The following SPAG16 variants were observed in gnomAD, a reference collection of about 807,000 sequenced individuals.
SPAG16 encodes sperm-associated antigen 16 protein.
SPAG16 carries 86 observed loss-of-function variants against 80.4 expected under a neutral mutation model. The observed-to-expected ratio is 1.07, with a 90% CI of 0.90 to 1.28. SPAG16 has a LOEUF of 1.28. SPAG16 is among the 50% of genes most tolerant of loss of function. The pLI is 0.00. For missense variants in SPAG16, 870 were observed against 765.3 expected (o/e 1.14, Z -1.61); for synonymous variants, 294 against 265.9 (o/e 1.11, Z -1.03).
intron 15 of SPAG16, among the ~76,000 whole-genome samples, chr2:214,270,667 A>T (rs1691921977): frequency 6.6e-6 from 1 of 152,058 alleles, no homozygotes; most frequent in Non-Finnish European, 1.5e-5. Flanking sequence ...AGGAGTTTTC[A>T]CTTGCTTTCC....
intron 12 of SPAG16, among the ~76,000 whole-genome samples, chr2:213,985,243 A>C (rs1487494416): frequency 1.3e-5 from 2 of 152,064 alleles, no homozygotes; most frequent in African/African-American, 2.4e-5. Flanking sequence ...CATTTTGTTT[A>C]ACACAATTGA....
intron 10 of SPAG16, among the ~76,000 whole-genome samples, chr2:213,562,930 A>G (rs1376379924): frequency 6.6e-6 from 1 of 152,202 alleles, no homozygotes; most frequent in Non-Finnish European, 1.5e-5. Flanking sequence ...ACCATTCATG[A>G]GGGCTCTGCC....
chr2:213,527,431 G>T (rs947546080), intron 10 of SPAG16, among the ~76,000 whole-genome samples: 1 of 152,020 alleles, frequency 6.6e-6, no homozygotes, highest in Non-Finnish European at 1.5e-5. Flanking sequence ...TGGGATTTTT[G>T]TTTATTCCTT....
At chr2:213,402,498 C>A (rs1422340401) in intron 9 of SPAG16, among the ~76,000 whole-genome samples, 1 of 151,860 alleles carries the variant, frequency 6.6e-6, no homozygotes, top group African/African-American at 2.4e-5. Context: ...CATATGTATA[C>A]ATGTGCCATG....
At chr2:214,066,878 A>T (rs920290392) in intron 13 of SPAG16, among the ~76,000 whole-genome samples, 1 of 152,202 alleles carries the variant, frequency 6.6e-6, no homozygotes, top group African/African-American at 2.4e-5. Context: ...TCAACTTTCC[A>T]AGGAAAAATT....
intron 13 of SPAG16, among the ~76,000 whole-genome samples, chr2:214,072,064 A>G (rs1354534995): frequency 6.6e-6 from 1 of 152,094 alleles, no homozygotes; most frequent in Non-Finnish European, 1.5e-5. Flanking sequence ...TAAAAGCATT[A>G]TTTACAGGAA....
At chr2:214,226,977 T>C (rs1452609084) in intron 15 of SPAG16, among the ~76,000 whole-genome samples, 1 of 152,044 alleles carries the variant, frequency 6.6e-6, no homozygotes, top group African/African-American at 2.4e-5. Context: ...AATTCAAAGA[T>C]GATTAAAATA....
At chr2:213,374,944 T>C in intron 8 of SPAG16, 66 bp from the exon 9 acceptor site, 1 of 1,175,862 alleles carries the variant, frequency 8.5e-7, no homozygotes, top group Non-Finnish European at 1.2e-6. Flanking sequence ...TTTCATATTT[T>C]TGGTTGCAAT....
At chr2:213,665,777 C>T (rs2063578616) in intron 10 of SPAG16, among the ~76,000 whole-genome samples, 1 of 152,094 alleles carries the variant, frequency 6.6e-6, no homozygotes, top group African/African-American at 2.4e-5. Flanking sequence ...TGAATGAAGC[C>T]TATCTAACAA....
intron 15 of SPAG16, among the ~76,000 whole-genome samples, chr2:214,209,200 T>C (rs1161430093): frequency 1.3e-5 from 2 of 152,104 alleles, no homozygotes; most frequent in South Asian, 2.1e-4. Context: ...TCACCCACTA[T>C]GGTAGTGTAG....
chr2:213,470,186 G>A (rs576973377), intron 9 of SPAG16, among the ~76,000 whole-genome samples: 1 of 152,258 alleles, frequency 6.6e-6, no homozygotes, highest in South Asian at 2.1e-4. Context: ...CACCTAGTTG[G>A]CATTGTAATT....
intron 15 of SPAG16, among the ~76,000 whole-genome samples, chr2:214,396,978 G>T (rs1701427637): frequency 6.6e-6 from 1 of 151,520 alleles, no homozygotes; most frequent in Non-Finnish European, 1.5e-5. Context: ...TATACTGTAT[G>T]TTTCTAATTT....
At chr2:213,860,020 A>ATGATGATGATGATGATGG (rs60024655) in intron 10 of SPAG16, among the ~76,000 whole-genome samples, 9 of 152,114 alleles carry the variant, frequency 5.9e-5, no homozygotes, top group Admixed American at 3.9e-4. Context: ...GATGATGATG[A>ATGATGATGATGATGATGG]CAGTTATGTC....
chr2:213,520,758 G>T (rs1193295648), intron 10 of SPAG16, among the ~76,000 whole-genome samples: 1 of 152,112 alleles, frequency 6.6e-6, no homozygotes, highest in East Asian at 1.9e-4. Context: ...TGCTTTTATT[G>T]TTCACTTAAG....
chr2:213,411,570 C>G (rs753113040), intron 9 of SPAG16, among the ~76,000 whole-genome samples: 1 of 152,114 alleles, frequency 6.6e-6, no homozygotes, highest in African/African-American at 2.4e-5. Context: ...AACACTGCCC[C>G]CAATAGAAGT....
chr2:214,401,597 A>G (rs890565272), intron 15 of SPAG16, among the ~76,000 whole-genome samples: 4 of 151,946 alleles, frequency 2.6e-5, no homozygotes, highest in African/African-American at 9.7e-5. Flanking sequence ...TACTGAAGTT[A>G]TTGTAATGAG....
intron 13 of SPAG16, among the ~76,000 whole-genome samples, chr2:214,017,590 G>A (rs2124985518): frequency 6.6e-6 from 1 of 152,226 alleles, no homozygotes; most frequent in Non-Finnish European, 1.5e-5. Context: ...TATCTGCCTT[G>A]AATGCATACA....
chr2:214,331,546 A>G (rs1209495232), intron 15 of SPAG16, among the ~76,000 whole-genome samples: 1 of 152,218 alleles, frequency 6.6e-6, no homozygotes, highest in Non-Finnish European at 1.5e-5. Flanking sequence ...AGCTACTTCT[A>G]CTTCTATCAT....
chr2:213,947,791 T>C (rs896438930), intron 12 of SPAG16, among the ~76,000 whole-genome samples: 1 of 152,200 alleles, frequency 6.6e-6, no homozygotes, highest in African/African-American at 2.4e-5. Context: ...TGTTCTATTC[T>C]ACTGATCTAT....
Sources: allele counts gnomAD v4.1 joint callset (sites outside exome capture counted in the v4.1 genomes callset), GRCh38; gene constraint gnomAD v4.1.1; transcripts MANE v1.5; gene names NCBI Gene and HGNC (gene_info 2026-07-23, HGNC 2026-07-21).